The following ADAMTSL3 variants were observed in gnomAD, a reference collection of about 807,000 sequenced individuals.
ADAMTSL3 encodes the protein ADAMTS-like protein 3.
Under a neutral mutation model 201.7 loss-of-function variants are expected in ADAMTSL3, and 128 were observed. The ratio of observed to expected loss-of-function variants is 0.63; its 90% CI spans 0.55 to 0.73. The LOEUF is 0.73. Among genes scored for constraint, ADAMTSL3 ranks in the 30% least tolerant of loss-of-function variants. The probability of loss-of-function intolerance (pLI) is 0.00; values close to 1 mark genes in which losing one functional copy is unlikely to be tolerated. For missense variants in ADAMTSL3, 1,990 were observed against 2,119.6 expected (o/e 0.94, Z 1.20); for synonymous variants, 738 against 748.4 (o/e 0.99, Z 0.23).
Position 84,016,347 on chromosome 15 carries a change from C to T in ADAMTSL3, c.4157-36C>T, listed in dbSNP as rs958495527. 2.6e-6 allele frequency: 4 copies of T among 1,540,900 alleles called. No individual in the cohort carries two copies. In the South Asian group the frequency reaches 3.4e-5, roughly 13 times the overall value. On this transcript the variant is annotated intron_variant, in intron 24 of 29. Coordinates refer to ENST00000286744, the MANE Select transcript of ADAMTSL3 (RefSeq NM_207517.3). Reference sequence around the variant, plus strand: ...AGCTGGACCAATAATTAGATAATGTCTAACTGGTAAAAGTGCTACTTTTTT... The same window carrying T: ...AGCTGGACCAATAATTAGATAATGTTTAACTGGTAAAAGTGCTACTTTTTT...
chr15:83,982,575 A>T lies in ADAMTSL3; in HGVS notation c.2947A>T (p.Ile983Phe). Residue 983 changes from isoleucine (I) to phenylalanine (F), a missense_variant, in exon 21 of 30, where the codon ATT (isoleucine) becomes TTT (phenylalanine). Transcript: ENST00000286744. ...AAPDIGVYRC[I>F]AGSAQETVVL... The stretch of plus-strand genomic sequence containing the variant: ...CCCCGACATCGGCGTGTACCGGTGC[A>T]TTGCAGGCTCTGCACAGGAAACAGT... 6.2e-7 allele frequency: 1 copy of T among 1,614,180 alleles called. No individual in the cohort carries two copies. Among genetic ancestry groups the T allele is most frequent in the Non-Finnish European group, 8.5e-7 (1 of 1,180,028 alleles).
At chr15:83,795,400 G>T (rs1458377045) in intron 4 of ADAMTSL3, among the ~76,000 whole-genome samples, 1 of 152,184 alleles carries the variant, frequency 6.6e-6, no homozygotes, top group African/African-American at 2.4e-5. Context: ...GCCTGCCCTA[G>T]TGATGGAGAT....
intron 3 of ADAMTSL3, among the ~76,000 whole-genome samples, chr15:83,744,173 G>A (rs961543766): frequency 2.6e-5 from 4 of 152,128 alleles, no homozygotes; most frequent in Non-Finnish European, 5.9e-5. Context: ...TTTAAAAAAA[G>A]GCAAATTTTC....
At chr15:83,724,117 T>A (rs1388959032) in intron 3 of ADAMTSL3, among the ~76,000 whole-genome samples, 1 of 151,970 alleles carries the variant, frequency 6.6e-6, no homozygotes, top group African/African-American at 2.4e-5. Context: ...TATTTTTTAT[T>A]TTTTGAGACA....
chr15:83,957,959 T>C (rs2066892045), intron 19 of ADAMTSL3, among the ~76,000 whole-genome samples: 1 of 152,148 alleles, frequency 6.6e-6, no homozygotes, highest in Non-Finnish European at 1.5e-5. Flanking sequence ...TAGTTACTAT[T>C]CCCAAATCCC....
chr15:83,903,753 A>G (rs553318285), intron 15 of ADAMTSL3, among the ~76,000 whole-genome samples: 269 of 151,430 alleles, frequency 1.8e-3, no homozygotes, highest in African/African-American at 6.3e-3. Context: ...CCCTGTCTCT[A>G]CTAAAAATAC....
chr15:83,863,184 A>G (rs1187747891), intron 8 of ADAMTSL3, among the ~76,000 whole-genome samples: 3 of 152,242 alleles, frequency 2.0e-5, no homozygotes, highest in African/African-American at 7.2e-5. Context: ...GACTTTAACA[A>G]CCCACTGTCA....
chr15:83,827,593 A>G (rs1322984324), intron 6 of ADAMTSL3, among the ~76,000 whole-genome samples: 1 of 152,162 alleles, frequency 6.6e-6, no homozygotes, highest in East Asian at 1.9e-4. Flanking sequence ...ACCCATGCCT[A>G]TGTCCTGAAT....
At chr15:83,808,615 C>T (rs986390673) in intron 5 of ADAMTSL3, among the ~76,000 whole-genome samples, 1 of 152,262 alleles carries the variant, frequency 6.6e-6, no homozygotes, top group Admixed American at 6.5e-5. Context: ...ATCCAGCAAT[C>T]CCATTACTGA....
intron 4 of ADAMTSL3, among the ~76,000 whole-genome samples, chr15:83,794,743 A>G (rs2063396974): frequency 6.6e-6 from 1 of 152,050 alleles, no homozygotes; most frequent in Non-Finnish European, 1.5e-5. Context: ...ACCTGTATTA[A>G]TATCAGTCTC....
At chr15:83,931,377 C>T (rs2066352165) in intron 17 of ADAMTSL3, among the ~76,000 whole-genome samples, 1 of 152,176 alleles carries the variant, frequency 6.6e-6, no homozygotes, top group African/African-American at 2.4e-5. Flanking sequence ...TTCCTTGTGA[C>T]TATAATTGAT....
At chr15:83,983,547 C>G (rs550003545) in intron 21 of ADAMTSL3, among the ~76,000 whole-genome samples, 2 of 152,302 alleles carry the variant, frequency 1.3e-5, no homozygotes, top group South Asian at 4.1e-4. Context: ...ATCCCAATCA[C>G]TGTCGTAGAG....
intron 3 of ADAMTSL3, among the ~76,000 whole-genome samples, chr15:83,721,251 G>C (rs909172727): frequency 1.3e-4 from 20 of 152,176 alleles, no homozygotes; most frequent in African/African-American, 4.6e-4. Flanking sequence ...TGCCAGATGT[G>C]ATTTTGCCAT....
chr15:83,845,467 A>C (rs1349801568), intron 7 of ADAMTSL3, among the ~76,000 whole-genome samples: 1 of 152,222 alleles, frequency 6.6e-6, no homozygotes, highest in Non-Finnish European at 1.5e-5. Context: ...ACTGGAAGCC[A>C]AAGACTGGGG....
intron 3 of ADAMTSL3, among the ~76,000 whole-genome samples, chr15:83,723,559 G>C (rs1047231206): frequency 1.3e-5 from 2 of 152,116 alleles, no homozygotes; most frequent in Non-Finnish European, 2.9e-5. Flanking sequence ...TTAAACCGTA[G>C]GGGAATGGCC....
rs773276823 is a variant in ADAMTSL3, at chr15:83,838,186, A to G, written c.698A>G (p.Gln233Arg). The change falls in exon 7 of 30, where the codon CAA becomes CGA. Residue 233 changes from glutamine to arginine, a missense_variant. Physicochemically the swap from Gln to Arg is conservative, Grantham distance 43. Transcript: ENST00000286744. The part of the protein sequence containing the change: ...DGSTCRLVRG[Q>R]SKSHVSPEKR... ...TCCACCTGCAGGCTTGTACGGGGAC[A>G]ATCAAAGTCACACGTTTCTCCTGAA... 3.7e-6 allele frequency: 6 copies of G among 1,613,228 alleles called. No homozygotes were observed. Among genetic ancestry groups the G allele is most frequent in the Non-Finnish European group, 3.4e-6 (4 of 1,179,658 alleles).
intron 3 of ADAMTSL3, among the ~76,000 whole-genome samples, chr15:83,770,391 T>G (rs2062961463): frequency 6.6e-6 from 1 of 152,230 alleles, no homozygotes; most frequent in Admixed American, 6.5e-5. Flanking sequence ...TCGTTCCTAG[T>G]CCTACTTACT....
chr15:83,929,457 T>C lies in ADAMTSL3; in HGVS notation c.2117+5424T>C, dbSNP rs2066309494. ...TTCTCTGTGTCTTTGTGTCCACACT[T>C]CTCCTTTTCATAAGGACATCACTTA... On this transcript the variant is annotated intron_variant, in intron 17 of 29. Transcript: ENST00000286744. Among the ~76,000 whole-genome samples the C allele has an allele frequency of 2.6e-5, 4 of 152,154 alleles. No individual in the cohort carries two copies. The South Asian group carries it at 8.3e-4, about 32-fold the overall frequency.
intron 17 of ADAMTSL3, among the ~76,000 whole-genome samples, chr15:83,931,962 A>G (rs1444394739): frequency 6.6e-6 from 1 of 152,268 alleles, no homozygotes; most frequent in East Asian, 1.9e-4. Flanking sequence ...ATCCACTCCT[A>G]GTATCAAGAG....
Sources: allele counts gnomAD v4.1 joint callset (sites outside exome capture counted in the v4.1 genomes callset), GRCh38; gene constraint gnomAD v4.1.1; transcripts MANE v1.5; gene names NCBI Gene and HGNC (gene_info 2026-07-23, HGNC 2026-07-21).